Variants in MAMLD1 observed in about 807,000 individuals in gnomAD.
MAMLD1 encodes the protein mastermind like domain containing 1.
Under a neutral mutation model 45.0 loss-of-function variants are expected in MAMLD1, and 14 were observed. The ratio of observed to expected loss-of-function variants is 0.31; its 90% CI spans 0.21 to 0.49. The LOEUF (loss-of-function observed/expected upper bound fraction) is 0.49. MAMLD1 is among the 20% of genes least tolerant of loss of function. The pLI is 0.99. For missense variants in MAMLD1, 543 were observed against 603.6 expected, an observed-to-expected ratio of 0.90 and a Z score of 1.05; for synonymous variants, 254 against 247.8, an observed-to-expected ratio of 1.02 and a Z score of -0.24.
intron 1 of MAMLD1, among the ~76,000 whole-genome samples, chrX:150,373,866 A>G (rs1225093839): frequency 8.9e-6 from 1 of 111,858 alleles, no homozygotes; most frequent in Non-Finnish European, 1.9e-5. Flanking sequence ...TTTAGGGCAC[A>G]GGTAAGGAGG....
At chrX:150,501,442 T>C (rs1314916702) in intron 5 of MAMLD1, among the ~76,000 whole-genome samples, 1 of 112,397 alleles carries the variant, frequency 8.9e-6, no homozygotes, top group Admixed American at 9.4e-5. Flanking sequence ...AAACTGGAGC[T>C]TGATAACATG....
chrX:150,396,149 ATTTTTTTTTTTT>A (rs151164752), intron 1 of MAMLD1, among the ~76,000 whole-genome samples: 1 of 39,257 alleles, frequency 2.5e-5, no homozygotes, highest in Non-Finnish European at 4.6e-5. Flanking sequence ...TACCTGGCTA[ATTTTTTTTTTTT>A]TTTTTTTTTT....
intron 6 of MAMLD1, chrX:150,503,899 GA>G: frequency 5.6e-6 from 1 of 177,078 alleles, no homozygotes; most frequent in Non-Finnish European, 9.0e-6. Context: ...ACCTGAGGGG[GA>G]CAGGGGCTGT....
chrX:150,462,700 T>G, intron 2 of MAMLD1, 72 bp from the exon 3 acceptor site: 31 of 703,690 alleles, frequency 4.4e-5, no homozygotes, highest in Non-Finnish European at 6.7e-5. Context: ...TGCCTCTCAC[T>G]GAGCTGGTGC....
chrX:150,431,221 TG>T (rs2034928996), intron 1 of MAMLD1, among the ~76,000 whole-genome samples: 1 of 111,877 alleles, frequency 8.9e-6, no homozygotes, highest in East Asian at 2.8e-4. Context: ...TTCATTCCGA[TG>T]TCTGTGTGTT....
At chrX:150,369,977 T>C (rs782677506) in intron 1 of MAMLD1, among the ~76,000 whole-genome samples, 7 of 108,770 alleles carry the variant, frequency 6.4e-5, no homozygotes, top group Non-Finnish European at 1.3e-4. Flanking sequence ...GGACTCTTTA[T>C]CCTCTGAGTT....
chrX:150,440,455 A>G (rs2035263467), intron 1 of MAMLD1, among the ~76,000 whole-genome samples: 1 of 110,655 alleles, frequency 9.0e-6, no homozygotes, highest in African/African-American at 3.3e-5. Flanking sequence ...TTAAACAACT[A>G]ATATAATTCT....
chrX:150,417,837 A>C lies in MAMLD1; in HGVS notation c.-63-27617A>C, dbSNP rs5970082. Reference sequence around the variant, plus strand: ...TGAGAAGTGTCTGTTCATGTCCTTCACCCACTTTTTGATGGGGTTGTTTGT... The same window carrying C: ...TGAGAAGTGTCTGTTCATGTCCTTCCCCCACTTTTTGATGGGGTTGTTTGT... On this transcript the variant is annotated intron_variant, in intron 1 of 7. Coordinates refer to ENST00000370401, the MANE Select transcript of MAMLD1 (RefSeq NM_005491.5). 4.7e-5 allele frequency among the ~76,000 whole-genome samples: 5 copies of C among 106,146 alleles called. No homozygotes were observed. In the South Asian group the frequency reaches 1.7e-3, roughly 37 times the overall value. The allele number at this position is 106,146 out of a possible 115,157, so 92.2% of individuals were successfully genotyped here. A position where few individuals can be genotyped will look rare whatever the true frequency, so the allele number is the denominator to read the frequency against.
intron 5 of MAMLD1, among the ~76,000 whole-genome samples, chrX:150,482,940 C>T (rs1270316387): frequency 8.9e-6 from 1 of 112,225 alleles, no homozygotes; most frequent in Non-Finnish European, 1.9e-5. Context: ...TTCATTAGCT[C>T]TCTGGTATAT....
intron 5 of MAMLD1, among the ~76,000 whole-genome samples, chrX:150,491,389 C>T (rs2037182767): frequency 1.8e-5 from 2 of 112,161 alleles, no homozygotes; most frequent in African/African-American, 6.5e-5. Flanking sequence ...CTCAGATCAC[C>T]TACTGCCAAG....
At chrX:150,414,040 A>AAAAAAAAAAAAAAAAAAAAAAT (rs2034191923) in intron 1 of MAMLD1, among the ~76,000 whole-genome samples, 1 of 105,157 alleles carries the variant, frequency 9.5e-6, no homozygotes, top group African/African-American at 3.4e-5. Flanking sequence ...AAAAAAAAAA[A>AAAAAAAAAAAAAAAAAAAAAAT]AAAAAAAAGA....
intron 5 of MAMLD1, among the ~76,000 whole-genome samples, chrX:150,497,698 A>T (rs1557408358): frequency 8.9e-6 from 1 of 111,853 alleles, no homozygotes; most frequent in Non-Finnish European, 1.9e-5. Flanking sequence ...TATTATAAAA[A>T]GAAGAGGACA....
intron 1 of MAMLD1, among the ~76,000 whole-genome samples, chrX:150,440,871 ATAATATT>A (rs1343351401): frequency 9.6e-6 from 1 of 104,531 alleles, no homozygotes; most frequent in Non-Finnish European, 1.9e-5. Flanking sequence ...TTAATAATTA[ATAATATT>A]TAATATTTAA....
intron 4 of MAMLD1, among the ~76,000 whole-genome samples, chrX:150,473,207 C>T (rs782710989): frequency 8.9e-6 from 1 of 112,270 alleles, no homozygotes; most frequent in African/African-American, 3.2e-5. Flanking sequence ...CTGGTCATCC[C>T]TTCCCACATT....
At chrX:150,441,029 A>T (rs1287711313) in intron 1 of MAMLD1, among the ~76,000 whole-genome samples, 1 of 104,729 alleles carries the variant, frequency 9.5e-6, no homozygotes, top group Non-Finnish European at 1.9e-5. Flanking sequence ...ATAATTTAAT[A>T]ATTAATAATA....
chrX:150,491,408 A>G (rs1446131114), intron 5 of MAMLD1, among the ~76,000 whole-genome samples: 1 of 112,054 alleles, frequency 8.9e-6, no homozygotes, highest in Non-Finnish European at 1.9e-5. Context: ...AGCACAGTGG[A>G]TGGGCTTTTT....
At chrX:150,389,416 G>A (rs1240865314) in intron 1 of MAMLD1, among the ~76,000 whole-genome samples, 1 of 111,767 alleles carries the variant, frequency 8.9e-6, no homozygotes, top group Admixed American at 9.5e-5. Flanking sequence ...GAAGTGTGTT[G>A]TTTAATTTCC....
chrX:150,412,695 GTTTTTGTTTGTT>G (rs1240556066), intron 1 of MAMLD1, among the ~76,000 whole-genome samples: 107 of 109,249 alleles, frequency 9.8e-4, no homozygotes, highest in African/African-American at 3.5e-3. Context: ...AGCCTTACGA[GTTTTTGTTTGTT>G]TTTTTGTTTG....
chrX:150,479,900 C>G (rs1297874575), intron 5 of MAMLD1, among the ~76,000 whole-genome samples: 1 of 111,944 alleles, frequency 8.9e-6, no homozygotes, highest in African/African-American at 3.3e-5. Flanking sequence ...GGCCCTAACA[C>G]CTACAGCCAG....
Sources: gnomAD v4.1 joint callset for allele counts (sites outside exome capture counted in the v4.1 genomes callset) on GRCh38, gnomAD v4.1.1 for gene constraint, MANE v1.5 for transcripts, NCBI Gene and HGNC (gene_info 2026-07-23, HGNC 2026-07-21) for gene names.